Variants in RNF103 observed in about 807,000 individuals in gnomAD.
RNF103 encodes the protein E3 ubiquitin-protein ligase RNF103.
RNF103 carries 23 observed loss-of-function variants against 66.2 expected under a neutral mutation model. That is an observed-to-expected ratio of 0.35 (90% CI 0.25 to 0.49). RNF103 has a LOEUF of 0.49. Among genes scored for constraint, RNF103 ranks in the 20% least tolerant of loss-of-function variants. RNF103 has a pLI of 0.98. For synonymous variants in RNF103, 297 were observed against 289.9 expected (o/e 1.02, Z -0.25); for missense variants, 730 against 814.7 (o/e 0.90, Z 1.27).
chr2:86,610,718 A>G (rs1228632190), intron 3 of RNF103, among the ~76,000 whole-genome samples: 1 of 152,204 alleles, frequency 6.6e-6, no homozygotes, highest in East Asian at 1.9e-4. Flanking sequence ...AGTGATATGA[A>G]TACTGACTTT....
chr2:86,604,647 G>A lies in RNF103; in HGVS notation c.1254C>T (p.Ala418=), dbSNP rs774203865. The change falls in exon 4 of 4, where the codon GCC becomes GCT. Residue 418 remains alanine (A), a synonymous_variant. Transcript: ENST00000237455. ...ADWMFYSSHP[A]LFLSTYLGHG... ...GACCAAGGTATGTACTGAGAAACAG[G>A]GCTGGGTGTGAAGAGTAAAACATCC... 1.3e-5 allele frequency: 21 copies of A among 1,614,028 alleles called. No homozygotes were observed. Among genetic ancestry groups the A allele is most frequent in the South Asian group, 2.2e-5 (2 of 91,096 alleles).
intron 3 of RNF103, among the ~76,000 whole-genome samples, chr2:86,609,620 C>T (rs1039294668): frequency 1.3e-5 from 2 of 151,888 alleles, no homozygotes; most frequent in East Asian, 1.9e-4. Flanking sequence ...TCCTTACCTC[C>T]GGTGATCTAC....
intron 3 of RNF103, among the ~76,000 whole-genome samples, chr2:86,611,746 T>C (rs1418052016): frequency 6.6e-6 from 1 of 151,976 alleles, no homozygotes; most frequent in Non-Finnish European, 1.5e-5. Context: ...GCAGAGCAAA[T>C]GGAAATAAGC....
At chr2:86,605,484 A>C (rs909715391) in intron 3 of RNF103, 66 bp from the exon 4 acceptor site, 4 of 1,495,948 alleles carry the variant, frequency 2.7e-6, no homozygotes, top group Non-Finnish European at 3.6e-6. Context: ...TTCCCTGACA[A>C]ATTTCTTTAG....
chr2:86,623,852 A>G lies in RNF103; in HGVS notation c.-966T>C, dbSNP rs757859646. On this transcript the variant is annotated 5_prime_UTR_variant, in exon 1 of 4. Coordinates refer to ENST00000237455, the MANE Select transcript of RNF103 (RefSeq NM_005667.4). ...GTGTATCAGCGGCGGCCGCGGCCGG[A>G]GCCGAGACATAACAACTGACGTCGC... 8.5e-6 allele frequency: 11 copies of G among 1,287,718 alleles called. No homozygotes were observed. The South Asian group carries it at 1.4e-4, about 16-fold the overall frequency. The allele number at this position is 1,287,718 out of a possible 1,614,324, so 79.8% of individuals were successfully genotyped here.
Position 86,603,427 on chromosome 2 carries a change from GTCTGT to G in RNF103, c.*411_*415del, listed in dbSNP as rs1183116010. 1 of 160,302 alleles carries G rather than the reference GTCTGT, an allele frequency of 6.2e-6. No homozygotes were observed. Among genetic ancestry groups the G allele is most frequent in the East Asian group, 1.9e-4 (1 of 5,402 alleles). 9.9% of individuals were successfully genotyped at this position (160,302 alleles called of 1,614,324 possible). A position where few individuals can be genotyped will look rare whatever the true frequency, so the allele number is the denominator to read the frequency against. On this transcript the variant is annotated 3_prime_UTR_variant, in exon 4 of 4. Coordinates refer to ENST00000237455, the MANE Select transcript of RNF103 (RefSeq NM_005667.4). ...GGTTTTAAAATAATTTATTTCATAG[GTCTGT>G]TTTAATTTCATGTCTCACAGCATAC... is the stretch of plus-strand genomic sequence containing the variant.
rs1262407562 is a variant in RNF103, at chr2:86,612,272, G to C, written c.369C>G (p.Val123=). The change falls in exon 3 of 4, where the codon GTC becomes GTG. Residue 123 remains valine (V), a splice_region_variant and synonymous_variant. Transcript: ENST00000237455. ...CCAAGGGACTTCTGTCATTTGCTAT[G>C]ACCTATTCCCAAAAATAGAGAAAAA... ...DTKDGIWLVQ[V]IANDRSPLVG... is the part of the protein sequence containing the mutation. 1 of 1,588,528 alleles carries C rather than the reference G, an allele frequency of 6.3e-7. No individual in the cohort carries two copies. The highest frequency in any genetic ancestry group is 1.8e-5 in the Admixed American group (1 of 56,820).
chr2:86,612,699 G>A (rs1327751616), intron 2 of RNF103: 2 of 153,028 alleles, frequency 1.3e-5, no homozygotes, highest in African/African-American at 4.8e-5. Context: ...GGTTCAACAA[G>A]TTCAAATTTC....
chr2:86,623,754 G>A lies in RNF103; in HGVS notation c.-868C>T. The A allele has an allele frequency of 7.8e-7, 1 of 1,280,554 alleles. No individual in the cohort carries two copies. Among genetic ancestry groups the A allele is most frequent in the Non-Finnish European group, 1.0e-6 (1 of 985,428 alleles). The allele number at this position is 1,280,554 out of a possible 1,614,324, so 79.3% of individuals were successfully genotyped here. A position where few individuals can be genotyped will look rare whatever the true frequency, so the allele number is the denominator to read the frequency against. On this transcript the variant is annotated 5_prime_UTR_variant, in exon 1 of 4. Transcript: ENST00000237455. ...CTCAGCGCCCGTCCCGCTCGGATGG[G>A]CAGTGCCGGTCGCAGCACCCGTCCC...
rs533793686 is a variant in RNF103, at chr2:86,620,417, G to A, written c.279C>T (p.Ser93=). The A allele has an allele frequency of 1.9e-6, 3 of 1,604,452 alleles. No homozygotes were observed. Among genetic ancestry groups the A allele is most frequent in the East Asian group, 2.2e-5 (1 of 44,852 alleles). The change falls in exon 2 of 4, where the codon TCC becomes TCT. Residue 93 remains serine (S), a synonymous_variant. Coordinates refer to ENST00000237455, the MANE Select transcript of RNF103 (RefSeq NM_005667.4). ...LYSALKEEEA[S]ESVSSTNFSG... ...TGAAATTGGTACTAGAAACCGATTC[G>A]GATGCTTCTTCTTCCTTGAGAGCAG...
In RNF103 at chr2:86,620,542, T is replaced by C. The variant is rs1679191864; in HGVS notation, c.227-73A>G. 2.1e-6 allele frequency: 3 copies of C among 1,427,268 alleles called. No homozygotes were observed. In the Admixed American group the frequency reaches 6.4e-5, roughly 31 times the overall value. The allele number at this position is 1,427,268 out of a possible 1,614,324, so 88.4% of individuals were successfully genotyped here. A position where few individuals can be genotyped will look rare whatever the true frequency, so the allele number is the denominator to read the frequency against. On this transcript the variant is annotated intron_variant, in intron 1 of 3. Coordinates refer to ENST00000237455, the MANE Select transcript of RNF103 (RefSeq NM_005667.4). Reference sequence around the variant, plus strand: ...ATTCCCAATTTCAGTAATTCTATTTTTTACACTGTTAAGAATCATGATATT... The same window carrying C: ...ATTCCCAATTTCAGTAATTCTATTTCTTACACTGTTAAGAATCATGATATT...
At position 86,617,215 on chromosome 2, in the gene RNF103, T is replaced by C. The variant is rs182283830; in HGVS notation, c.366+3115A>G. On this transcript the variant is annotated intron_variant, in intron 2 of 3. Coordinates refer to ENST00000237455, the MANE Select transcript of RNF103 (RefSeq NM_005667.4). ...ATGGACCTGGAAAAGCTTAAAAATA[T>C]GAAGAGGATTGAACTGGCTGCCATC... The C allele has an allele frequency of 3.7e-4, 361 of 985,368 alleles. 2 individuals are homozygous for C. In the African/African-American group the frequency reaches 5.9e-3, roughly 16 times the overall value. The allele number at this position is 985,368 out of a possible 1,614,324, so 61.0% of individuals were successfully genotyped here.
rs1381780495 is a variant in RNF103 at position 86,616,656 on chromosome 2, T to C, written c.366+3674A>G. ...CAGCCAAACAGGAAATATATTGATGTAATACTTCAGTAAATATTGACCCAA... is the reference window on the plus strand; with the variant it reads ...CAGCCAAACAGGAAATATATTGATGCAATACTTCAGTAAATATTGACCCAA... On this transcript the variant is annotated intron_variant, in intron 2 of 3. Coordinates refer to ENST00000237455, the MANE Select transcript of RNF103 (RefSeq NM_005667.4). 3.0e-6 allele frequency: 3 copies of C among 985,150 alleles called. No homozygotes were observed. In the African/African-American group the frequency reaches 5.2e-5, roughly 17 times the overall value. The allele number at this position is 985,150 out of a possible 1,614,324, so 61.0% of individuals were successfully genotyped here.
chr2:86,610,215 A>G (rs1397526197), intron 3 of RNF103, among the ~76,000 whole-genome samples: 1 of 152,250 alleles, frequency 6.6e-6, no homozygotes, highest in Admixed American at 6.5e-5. Flanking sequence ...TATAGCTACA[A>G]TCAACAAAAA....
intron 2 of RNF103, chr2:86,613,243 G>C (rs1573361809): frequency 6.6e-6 from 1 of 152,240 alleles, no homozygotes; most frequent in East Asian, 1.9e-4. Context: ...CTGGGTGACA[G>C]AGCAAGACCT....
At position 86,604,285 on chromosome 2, in the gene RNF103, G is replaced by A. The variant is rs143477816; in HGVS notation, c.1616C>T (p.Ser539Leu). The A allele has an allele frequency of 7.4e-6, 12 of 1,614,032 alleles. No individual in the cohort carries two copies. Among genetic ancestry groups the A allele is most frequent in the African/African-American group, 2.7e-5 (2 of 74,904 alleles). ...CAAAGTGTCTGTGTTCTCACTTTCCGAGTCATTTTCAGTATCTTGAGACCC... is the reference window on the plus strand; with the variant it reads ...CAAAGTGTCTGTGTTCTCACTTTCCAAGTCATTTTCAGTATCTTGAGACCC... Reference protein sequence around the residue: ...SEGSQDTENDSESENTDTLSS... With the variant: ...SEGSQDTENDLESENTDTLSS... The change falls in exon 4 of 4, where the codon TCG becomes TTG. Residue 539 changes from serine (S) to leucine (L), a missense_variant. Ser to Leu is a moderately radical substitution (Grantham distance 145). Transcript: ENST00000237455.
At chr2:86,618,238 C>T (rs182037364) in intron 2 of RNF103, 97 of 248,622 alleles carry the variant, frequency 3.9e-4, no homozygotes, top group African/African-American at 2.2e-3. Context: ...TTCCTTGCCA[C>T]TCTCATCTCC....
intron 1 of RNF103, among the ~76,000 whole-genome samples, 166 bp downstream of exon 1, chr2:86,622,495 A>T (rs1679269590): frequency 6.6e-6 from 1 of 152,134 alleles, no homozygotes; most frequent in Non-Finnish European, 1.5e-5. Context: ...CTCCTCCTCA[A>T]AGCTGGGATC....
At chr2:86,617,244 G>A (rs574903703) in intron 2 of RNF103, 70 of 985,340 alleles carry the variant, frequency 7.1e-5, no homozygotes, top group Middle Eastern at 1.0e-3. Flanking sequence ...TGCCATCTGT[G>A]CATCTTCATT....
Sources: gnomAD v4.1 joint callset for allele counts (sites outside exome capture counted in the v4.1 genomes callset) on GRCh38, gnomAD v4.1.1 for gene constraint, MANE v1.5 for transcripts, NCBI Gene and HGNC (gene_info 2026-07-23, HGNC 2026-07-21) for gene names.